The following ATP8B3 variants were observed in gnomAD, a reference collection of about 807,000 sequenced individuals.
The protein encoded by ATP8B3 is ATPase phospholipid transporting 8B3.
Under a neutral mutation model 140.9 loss-of-function variants are expected in ATP8B3, and 141 were observed. The observed-to-expected ratio is 1.00, with a 90% CI of 0.87 to 1.15. The LOEUF is 1.15. Ranked by LOEUF, ATP8B3 falls within the 50% of genes most tolerant of loss-of-function variation. ATP8B3 has a pLI of 0.00. For missense variants in ATP8B3, 1,874 were observed against 1,740.6 expected (o/e 1.08, Z -1.36); for synonymous variants, 765 against 714.6 (o/e 1.07, Z -1.13).
rs1041247128 is a variant in ATP8B3 at position 1,789,074 on chromosome 19, T to C, written c.2892A>G (p.Ala964=). The C allele has an allele frequency of 1.8e-5, 28 of 1,590,296 alleles. 1 individual carries two copies. The East Asian group carries it at 4.3e-4, about 25-fold the overall frequency. ...CGAGCACGAAGTCGCTGTTCTGAAC[T>C]GCCTGCATGCCCTCCTGGCCCGCCA... ...VGLAGQEGMQ[A]VQNSDFVLGQ... is the part of the protein sequence containing the mutation. Residue 964 remains alanine (A), a synonymous_variant, in exon 24 of 29, where the codon GCA becomes GCG. Coordinates refer to ENST00000310127, the MANE Select transcript of ATP8B3 (RefSeq NM_138813.4).
At chr19:1,801,085 C>T (rs1242021031) in intron 12 of ATP8B3, among the ~76,000 whole-genome samples, 1 of 151,946 alleles carries the variant, frequency 6.6e-6, no homozygotes, top group Non-Finnish European at 1.5e-5. Flanking sequence ...GCCTCAGCCT[C>T]CCAAGGTGCT....
chr19:1,807,791 C>G lies in ATP8B3; in HGVS notation c.516+431G>C, dbSNP rs958042769. 1.3e-5 allele frequency among the ~76,000 whole-genome samples: 2 copies of G among 152,410 alleles called. No homozygotes were observed. Among genetic ancestry groups the G allele is most frequent in the Admixed American group, 1.3e-4 (2 of 15,314 alleles). On this transcript the variant is annotated intron_variant, in intron 5 of 28. Transcript: ENST00000310127. The surrounding 1 kb of genome is among the most constrained non-coding windows in gnomAD (Gnocchi z 5.9). Reference sequence around the variant, plus strand: ...AACAGCGCCCCTGGCCGGATGCCGGCCCCACGCTGGCCTGGACCACCCAGG... The same window carrying G: ...AACAGCGCCCCTGGCCGGATGCCGGGCCCACGCTGGCCTGGACCACCCAGG...
intron 26 of ATP8B3, 41 bp downstream of exon 26, chr19:1,785,428 G>T: frequency 6.2e-7 from 1 of 1,602,056 alleles, no homozygotes; most frequent in Non-Finnish European, 8.5e-7. Flanking sequence ...GGCCTCCATA[G>T]GCCATGTCCA....
chr19:1,805,851 A>G lies in ATP8B3; in HGVS notation c.821+37T>C. 6.2e-7 allele frequency: 1 copy of G among 1,609,828 alleles called. No individual in the cohort carries two copies. The highest frequency in any genetic ancestry group is 8.5e-7 in the Non-Finnish European group (1 of 1,178,176). On this transcript the variant is annotated intron_variant, in intron 9 of 28. Transcript: ENST00000310127. The surrounding 1 kb of genome is among the most constrained non-coding windows in gnomAD (Gnocchi z 5.2). ...GGGGCTCCTCCGGGCCATGCTCCCC[A>G]CCCCCCAGGGTCCCCAGCGATGCCA... is the stretch of plus-strand genomic sequence containing the variant.
chr19:1,785,007 A>C (rs1401210508), intron 27 of ATP8B3, 61 bp from the exon 28 acceptor site: 34 of 1,553,566 alleles, frequency 2.2e-5, no homozygotes, highest in African/African-American at 2.7e-5. Context: ...CCCCCAGGCT[A>C]GGGAGCGCCT....
intron 16 of ATP8B3, 145 bp downstream of exon 16, chr19:1,796,566 G>A: frequency 9.1e-7 from 1 of 1,099,968 alleles, no homozygotes; most frequent in Non-Finnish European, 1.3e-6. Context: ...ACGCCCTCGA[G>A]GTGCGGCTGG....
chr19:1,796,641 G>A, intron 16 of ATP8B3, 70 bp downstream of exon 16: 1 of 1,528,486 alleles, frequency 6.5e-7, no homozygotes, highest in Non-Finnish European at 8.8e-7. Flanking sequence ...CGGGTGAGCT[G>A]CGGGGCTGGG....
intron 25 of ATP8B3, among the ~76,000 whole-genome samples, chr19:1,786,004 G>C (rs567413810): frequency 6.6e-6 from 1 of 151,970 alleles, no homozygotes; most frequent in Non-Finnish European, 1.5e-5. Context: ...GTGGTGGTGC[G>C]CACCTGTAAT....
chr19:1,792,418 C>A lies in ATP8B3; in HGVS notation c.2056-283G>T, dbSNP rs543003060. Among the ~76,000 whole-genome samples, 103 of 150,212 alleles carry A rather than the reference C, an allele frequency of 6.9e-4. 2 individuals are homozygous for A. The South Asian group carries it at 0.02, about 29-fold the overall frequency. ...AACATGGTGAAACCCTGTCTCTACCCAAAATACAAAGATTAGCCAGGCATG... is the reference window on the plus strand; with the variant it reads ...AACATGGTGAAACCCTGTCTCTACCAAAAATACAAAGATTAGCCAGGCATG... On this transcript the variant is annotated intron_variant, in intron 18 of 28. Coordinates refer to ENST00000310127, the MANE Select transcript of ATP8B3 (RefSeq NM_138813.4).
intron 10 of ATP8B3, among the ~76,000 whole-genome samples, chr19:1,803,048 C>G (rs2068902640): frequency 6.6e-6 from 1 of 152,170 alleles, no homozygotes. Flanking sequence ...CGGACCAGCA[C>G]CTGCATGCAG....
chr19:1,809,673 C>A lies in ATP8B3; in HGVS notation c.372G>T (p.Val124=). 6.2e-7 allele frequency: 1 copy of A among 1,611,030 alleles called. No individual in the cohort carries two copies. The change falls in exon 4 of 29, where the codon GTG becomes GTT. Residue 124 remains valine, a synonymous_variant. Transcript: ENST00000310127. ...RAYNGQFKEK[V]ILCWQRKKYK... ...ATTTCTTCCTTTGCCAGCACAGGAT[C>A]ACCTTCTCCTTGAACTGCCCGTTGT...
chr19:1,793,654 G>A (rs1175613626), intron 18 of ATP8B3, among the ~76,000 whole-genome samples: 3 of 152,270 alleles, frequency 2.0e-5, no homozygotes, highest in Admixed American at 6.5e-5. Flanking sequence ...CAAGGAAGGT[G>A]CCCTTACGGC....
At chr19:1,810,239 C>T (rs960112417) in intron 3 of ATP8B3, among the ~76,000 whole-genome samples, 12 of 152,188 alleles carry the variant, frequency 7.9e-5, no homozygotes, top group Admixed American at 3.9e-4. Flanking sequence ...GGCCCCAGCC[C>T]GTCTCAGCCT....
intron 21 of ATP8B3, 23 bp downstream of exon 21, chr19:1,790,734 C>T: frequency 2.5e-6 from 4 of 1,570,650 alleles, no homozygotes; most frequent in Non-Finnish European, 1.7e-6. Flanking sequence ...CCCTTGCTCA[C>T]CCCCCAACTC....
At chr19:1,798,393 A>G (rs572359970) in intron 14 of ATP8B3, among the ~76,000 whole-genome samples, 29 of 152,118 alleles carry the variant, frequency 1.9e-4, no homozygotes, top group South Asian at 4.1e-4. Flanking sequence ...CGAGCTAAGA[A>G]TTGTTTTTGG....
intron 16 of ATP8B3, 88 bp from the exon 17 acceptor site, chr19:1,796,353 C>A: frequency 8.0e-7 from 1 of 1,257,090 alleles, no homozygotes; most frequent in Non-Finnish European, 1.1e-6. Flanking sequence ...ATCGCCTGGG[C>A]TACACCTTTA....
intron 10 of ATP8B3, among the ~76,000 whole-genome samples, chr19:1,802,854 C>T (rs551712487): frequency 2.6e-5 from 4 of 152,340 alleles, no homozygotes; most frequent in South Asian, 2.1e-4. Context: ...GTTCCTTCCA[C>T]GGGGACTCAC....
chr19:1,806,392 T>C lies in ATP8B3; in HGVS notation c.678-223A>G, dbSNP rs1024159972. ...CTGCACCCACGTCCTCTTCAGACTT[T>C]CCTTGTCCTCCCCATCGCCCGAGCC... On this transcript the variant is annotated intron_variant, in intron 7 of 28. Coordinates refer to ENST00000310127, the MANE Select transcript of ATP8B3 (RefSeq NM_138813.4). The surrounding 1 kb of genome is among the most constrained non-coding windows in gnomAD (Gnocchi z 5.6). The C allele has an allele frequency of 4.2e-6, 6 of 1,443,598 alleles. No individual in the cohort carries two copies. The African/African-American group carries it at 5.7e-5, about 14-fold the overall frequency. 89.4% of individuals were successfully genotyped at this position (1,443,598 alleles called of 1,614,324 possible).
intron 4 of ATP8B3, among the ~76,000 whole-genome samples, chr19:1,808,890 C>T (rs1263736018): frequency 6.6e-6 from 1 of 152,170 alleles, no homozygotes; most frequent in Non-Finnish European, 1.5e-5. Context: ...ATAAAAATAT[C>T]GGCCAGACAT....
Sources: gnomAD v4.1 joint callset for allele counts (sites outside exome capture counted in the v4.1 genomes callset) on GRCh38, gnomAD v4.1.1 for gene constraint, Gnocchi (gnomAD v3.1) non-coding constraint, MANE v1.5 for transcripts, NCBI Gene and HGNC (gene_info 2026-07-23, HGNC 2026-07-21) for gene names.